The following STPG2 variants were observed in gnomAD, a reference collection of about 807,000 sequenced individuals.
The protein encoded by STPG2 is sperm tail PG-rich repeat containing 2, also known as sperm-tail PG-rich repeat-containing protein 2.
A neutral mutation model predicts 54.2 loss-of-function variants in STPG2; 56 were observed. That is an observed-to-expected ratio of 1.03 (90% CI 0.83 to 1.29). The LOEUF is 1.29. Among genes scored for constraint, STPG2 ranks in the 50% most tolerant of loss-of-function variants. The pLI is 0.00. For missense variants in STPG2, 596 were observed against 544.9 expected, an observed-to-expected ratio of 1.09 and a Z score of -0.93; for synonymous variants, 200 against 181.8, an observed-to-expected ratio of 1.10 and a Z score of -0.81.
chr4:97,928,116 T>A (rs1327581510), intron 8 of STPG2, among the ~76,000 whole-genome samples: 1 of 152,122 alleles, frequency 6.6e-6, no homozygotes, highest in Non-Finnish European at 1.5e-5. Flanking sequence ...CCACTAGAGT[T>A]TTAGTGTATT....
chr4:97,461,608 A>T (rs1729665846), intron 4 of STPG2, among the ~76,000 whole-genome samples: 1 of 152,200 alleles, frequency 6.6e-6, no homozygotes, highest in African/African-American at 2.4e-5. Context: ...GAGAAAAAGA[A>T]TTCTGTTGTT....
At chr4:98,087,493 C>A (rs1738554991) in intron 5 of STPG2, among the ~76,000 whole-genome samples, 1 of 151,956 alleles carries the variant, frequency 6.6e-6, no homozygotes, top group Non-Finnish European at 1.5e-5. Context: ...TCCATCAATC[C>A]AAGATTTCCT....
intron 8 of STPG2, among the ~76,000 whole-genome samples, chr4:97,912,351 G>A (rs1281957199): frequency 2.6e-5 from 4 of 152,168 alleles, no homozygotes; most frequent in African/African-American, 9.7e-5. Flanking sequence ...ACTTCAGAAG[G>A]TGGATAATAA....
chr4:98,034,257 C>G (rs563368216), intron 5 of STPG2, among the ~76,000 whole-genome samples: 1 of 152,164 alleles, frequency 6.6e-6, no homozygotes, highest in Non-Finnish European at 1.5e-5. Flanking sequence ...AGCAAAGTCT[C>G]AGGATACAAA....
intron 4 of STPG2, among the ~76,000 whole-genome samples, chr4:97,486,227 T>C (rs60503448): frequency 0.017 from 2,593 of 151,400 alleles, 67 homozygotes; most frequent in African/African-American, 0.059. Flanking sequence ...GTCACCAGAG[T>C]AAAAGGCAAC....
At chr4:97,537,814 C>T (rs934976301) in intron 4 of STPG2, among the ~76,000 whole-genome samples, 2 of 152,142 alleles carry the variant, frequency 1.3e-5, no homozygotes, top group African/African-American at 4.8e-5. Context: ...AGACTGACAC[C>T]TCACATGGCC....
chr4:97,697,888 G>C (rs1723636464), intron 10 of STPG2, among the ~76,000 whole-genome samples: 1 of 152,078 alleles, frequency 6.6e-6, no homozygotes, highest in Non-Finnish European at 1.5e-5. Context: ...CTTTGTTTCG[G>C]CCCATCCCTT....
chr4:97,728,287 A>C, intron 9 of STPG2, among the ~76,000 whole-genome samples: 1 of 152,168 alleles, frequency 6.6e-6, no homozygotes, highest in East Asian at 1.9e-4. Flanking sequence ...ACACAATAAA[A>C]GCAAATATTG....
intron 10 of STPG2, among the ~76,000 whole-genome samples, chr4:97,686,313 C>G (rs958070802): frequency 1.3e-5 from 2 of 151,594 alleles, no homozygotes; most frequent in African/African-American, 4.8e-5. Flanking sequence ...TCCTGGAGGG[C>G]TCATTTGATT....
At chr4:98,111,788 T>A (rs3846445) in intron 3 of STPG2, among the ~76,000 whole-genome samples, 60,016 of 151,836 alleles carry the variant, frequency 0.4, 12,100 homozygotes, top group Middle Eastern at 0.46. Context: ...CGTGGGCACC[T>A]TTCAATCAGC....
At chr4:97,553,058 GA>G (rs1467782119) in intron 4 of STPG2, among the ~76,000 whole-genome samples, 1 of 152,036 alleles carries the variant, frequency 6.6e-6, no homozygotes, top group Non-Finnish European at 1.5e-5. Context: ...ATTATAGAAG[GA>G]GATGGCAATG....
In STPG2 at chr4:97,718,135, T is replaced by C. The variant is rs576947427; in HGVS notation, c.1205-5321A>G. 3.9e-5 allele frequency among the ~76,000 whole-genome samples: 6 copies of C among 152,152 alleles called. No homozygotes were observed. In the South Asian group the frequency reaches 1.2e-3, roughly 32 times the overall value. On this transcript the variant is annotated intron_variant, in intron 9 of 10. Transcript: ENST00000295268. ...CATTCCCTCTGTCAAGACTGATACT[T>C]ATCTCTGGGAATATTACATGTACAA...
chr4:97,640,546 A>T (rs2148944820), intron 10 of STPG2, among the ~76,000 whole-genome samples: 1 of 152,008 alleles, frequency 6.6e-6, no homozygotes, highest in African/African-American at 2.4e-5. Context: ...AATTTGACAA[A>T]TATGGATTCA....
intron 5 of STPG2, among the ~76,000 whole-genome samples, chr4:98,070,245 A>C (rs186890663): frequency 6.6e-6 from 1 of 152,230 alleles, no homozygotes; most frequent in Non-Finnish European, 1.5e-5. Context: ...TTTATCACAC[A>C]AACAGAATTA....
At chr4:97,516,806 C>T (rs1449027016) in intron 4 of STPG2, among the ~76,000 whole-genome samples, 1 of 151,646 alleles carries the variant, frequency 6.6e-6, no homozygotes, top group Non-Finnish European at 1.5e-5. Flanking sequence ...CACTGCACTC[C>T]AGCCTGGGAG....
At chr4:97,843,382 T>C (rs1313111874) in intron 8 of STPG2, among the ~76,000 whole-genome samples, 6 of 151,906 alleles carry the variant, frequency 3.9e-5, no homozygotes, top group Admixed American at 1.3e-4. Context: ...CCTGACTTCC[T>C]CATCTGGAAA....
At chr4:98,052,850 G>T (rs1316228101) in intron 5 of STPG2, among the ~76,000 whole-genome samples, 1 of 152,162 alleles carries the variant, frequency 6.6e-6, no homozygotes, top group Non-Finnish European at 1.5e-5. Flanking sequence ...CCTATTAAAA[G>T]ATAGCTAGTA....
At chr4:97,451,277 A>G (rs1729357442) in intron 4 of STPG2, among the ~76,000 whole-genome samples, 1 of 152,176 alleles carries the variant, frequency 6.6e-6, no homozygotes, top group Non-Finnish European at 1.5e-5. Flanking sequence ...AAAGTGGTGA[A>G]GTGGACAGAA....
chr4:97,571,064 A>T (rs1732587600), intron 10 of STPG2, among the ~76,000 whole-genome samples: 1 of 152,096 alleles, frequency 6.6e-6, no homozygotes, highest in Admixed American at 6.6e-5. Flanking sequence ...AAAACATTTA[A>T]TATAATGCTA....
Sources: allele counts gnomAD v4.1 joint callset (sites outside exome capture counted in the v4.1 genomes callset), GRCh38; gene constraint gnomAD v4.1.1; transcripts MANE v1.5; gene names NCBI Gene and HGNC (gene_info 2026-07-23, HGNC 2026-07-21).